Variants in CRB1 observed in about 807,000 individuals in gnomAD.
CRB1 encodes the protein crumbs cell polarity complex component 1.
Under a neutral mutation model 120.0 loss-of-function variants are expected in CRB1, and 83 were observed. That is an observed-to-expected ratio of 0.69 (90% CI 0.58 to 0.83). CRB1 has a LOEUF of 0.83. CRB1 is among the 40% of genes least tolerant of loss of function. The pLI is 0.00. For synonymous variants in CRB1, 625 were observed against 612.5 expected (o/e 1.02, Z -0.30); for missense variants, 1,699 against 1,687.6 (o/e 1.01, Z -0.12).
intron 1 of CRB1, among the ~76,000 whole-genome samples, chr1:197,312,687 A>G (rs1000505500): frequency 6.6e-6 from 1 of 152,232 alleles, no homozygotes; most frequent in Non-Finnish European, 1.5e-5. Context: ...CAAATAAAAT[A>G]AAAGAGAGCA....
intron 1 of CRB1, among the ~76,000 whole-genome samples, chr1:197,284,374 G>T (rs537569411): frequency 6.6e-6 from 1 of 152,006 alleles, no homozygotes; most frequent in African/African-American, 2.4e-5. Context: ...TTCAGCTCGG[G>T]AAAATCATCA....
At chr1:197,354,165 T>C (rs912229872) in intron 4 of CRB1, among the ~76,000 whole-genome samples, 2 of 152,230 alleles carry the variant, frequency 1.3e-5, no homozygotes, top group Non-Finnish European at 2.9e-5. Context: ...GGCAAACGTT[T>C]TGAGCCACAT....
At chr1:197,319,432 C>CAAAAAAAAAAA (rs10646084) in intron 1 of CRB1, among the ~76,000 whole-genome samples, 6 of 27,088 alleles carry the variant, frequency 2.2e-4, no homozygotes, top group African/African-American at 5.0e-4. Context: ...GACTCCATCT[C>CAAAAAAAAAAA]AAAAAAAAAA....
At chr1:197,444,485 A>G (rs1349289876) in intron 11 of CRB1, 6 of 152,344 alleles carry the variant, frequency 3.9e-5, no homozygotes, top group East Asian at 3.9e-4. Context: ...CATAAAATAG[A>G]TTATAGCCAG....
At chr1:197,385,470 AT>A (rs1262645331) in intron 5 of CRB1, among the ~76,000 whole-genome samples, 1 of 151,922 alleles carries the variant, frequency 6.6e-6, no homozygotes. Flanking sequence ...AGGTTTTCAG[AT>A]TTTTCTCCTC....
chr1:197,222,169 T>G, the CRB1 span: 1 of 413,446 alleles, frequency 2.4e-6, no homozygotes, highest in South Asian at 2.1e-5. Flanking sequence ...TGCTTGCCTG[T>G]GTCCTGCCGG....
intron 5 of CRB1, among the ~76,000 whole-genome samples, chr1:197,402,387 C>A (rs1663111082): frequency 6.6e-6 from 1 of 152,180 alleles, no homozygotes; most frequent in South Asian, 2.1e-4. Context: ...AAGACATTAC[C>A]TTGTTCTTTT....
At chr1:197,279,110 T>C (rs1479353573) in intron 1 of CRB1, among the ~76,000 whole-genome samples, 2 of 151,978 alleles carry the variant, frequency 1.3e-5, no homozygotes, top group Admixed American at 6.6e-5. Context: ...AAAGTAGTTA[T>C]ATTTTGAGGT....
At chr1:197,383,009 A>C (rs1226435457) in intron 5 of CRB1, among the ~76,000 whole-genome samples, 1 of 152,276 alleles carries the variant, frequency 6.6e-6, no homozygotes, top group South Asian at 2.1e-4. Flanking sequence ...ATTGGTAACT[A>C]CCCTCAAAAA....
intron 6 of CRB1, among the ~76,000 whole-genome samples, chr1:197,422,359 G>A (rs1265442045): frequency 2.0e-5 from 3 of 151,208 alleles, no homozygotes; most frequent in Non-Finnish European, 4.4e-5. Context: ...CCACATACTA[G>A]CATGATATCT....
the CRB1 span, chr1:197,222,522 G>C: frequency 1.4e-5 from 11 of 768,206 alleles, no homozygotes; most frequent in Non-Finnish European, 2.4e-5. Flanking sequence ...AGTTCCGTTT[G>C]GTCTTGGCAG....
chr1:197,306,365 T>A (rs527734133), intron 1 of CRB1, among the ~76,000 whole-genome samples: 5 of 152,242 alleles, frequency 3.3e-5, no homozygotes, highest in Non-Finnish European at 5.9e-5. Flanking sequence ...AGATAAGATA[T>A]CTGAAGTATC....
intron 5 of CRB1, among the ~76,000 whole-genome samples, chr1:197,420,000 C>CG: frequency 7.1e-6 from 1 of 140,100 alleles, no homozygotes; most frequent in South Asian, 2.2e-4. Flanking sequence ...AAAAAAAAAA[C>CG]AAACAAAAAA....
the CRB1 span, among the ~76,000 whole-genome samples, chr1:197,232,293 CTG>C: frequency 6.6e-6 from 1 of 152,148 alleles, no homozygotes. Flanking sequence ...CTTTAGGCTA[CTG>C]TGTGTGGTAA....
upstream of CRB1, among the ~76,000 whole-genome samples, chr1:197,265,100 GT>G (rs567341918): frequency 3.0e-4 from 45 of 152,192 alleles, no homozygotes; most frequent in Non-Finnish European, 4.6e-4. Flanking sequence ...ATGGCAGTGG[GT>G]TTCTAGTTTG....
chr1:197,252,727 A>G, the CRB1 span, among the ~76,000 whole-genome samples: 1 of 150,536 alleles, frequency 6.6e-6, no homozygotes, highest in Non-Finnish European at 1.5e-5. Context: ...TATGAACTGC[A>G]TACTACAAGC....
At position 197,344,433 on chromosome 1, in the gene CRB1, C is replaced by CA. The variant is rs878853366; in HGVS notation, c.807dup (p.Pro270ThrfsTer16). 6.2e-7 allele frequency: 1 copy of CA among 1,614,044 alleles called. No homozygotes were observed. Among genetic ancestry groups the CA allele is most frequent in the Non-Finnish European group, 8.5e-7 (1 of 1,180,000 alleles). On this transcript the variant is annotated frameshift_variant, in exon 3 of 12. Transcript: ENST00000367400. LOFTEE classifies it high-confidence loss of function. ...ACTCAACACTGATGAGTGTGCCAGT[C>CA]AACCTTGTCTCCATGGAGGGCTGTG...
chr1:197,264,783 G>A (rs1002465866), upstream of CRB1, among the ~76,000 whole-genome samples: 6 of 151,352 alleles, frequency 4.0e-5, no homozygotes, highest in African/African-American at 1.5e-4. Context: ...CACCATGCCC[G>A]GCTAACTTTT....
In CRB1 at chr1:197,421,581, G is replaced by A. The variant is rs1417188996; in HGVS notation, c.1753G>A (p.Asp585Asn). Residue 585 changes from aspartate (D) to asparagine (N), a missense_variant, in exon 6 of 12, where the codon GAC (aspartate) becomes AAC (asparagine). By Grantham distance (23) the Asp-to-Asn change is conservative. Transcript: ENST00000367400. ...AEAVTLTLIDDSCKEKCIAKA... is the reference protein window; with the variant it reads ...AEAVTLTLIDNSCKEKCIAKA... ...GGCTGTGACCCTTACCTTAATCGAC[G>A]ACTCCTGTAAGGAGAAATGCATCGC... 6.8e-6 allele frequency: 11 copies of A among 1,614,062 alleles called. No individual in the cohort carries two copies. The highest frequency in any genetic ancestry group is 3.3e-5 in the Admixed American group (2 of 60,002).
Sources: allele counts gnomAD v4.1 joint callset (sites outside exome capture counted in the v4.1 genomes callset), GRCh38; gene constraint gnomAD v4.1.1; transcripts MANE v1.5; gene names NCBI Gene and HGNC (gene_info 2026-07-23, HGNC 2026-07-21).